Variants in IL16 observed in about 807,000 individuals in gnomAD.
IL16 encodes the protein interleukin 16, also known as pro-interleukin-16.
Under a neutral mutation model 110.1 loss-of-function variants are expected in IL16, and 67 were observed. The ratio of observed to expected loss-of-function variants is 0.61; its 90% CI spans 0.50 to 0.75. IL16 has a LOEUF of 0.75. Ranked by LOEUF, IL16 falls within the 30% of genes least tolerant of loss-of-function variation. The probability of loss-of-function intolerance (pLI) is 0.00; values close to 1 mark genes in which losing one functional copy is unlikely to be tolerated. For missense variants in IL16, 1,545 were observed against 1,655.0 expected (o/e 0.93, Z 1.15); for synonymous variants, 689 against 662.9 (o/e 1.04, Z -0.61).
In IL16 at chr15:81,310,181, C is replaced by T. The variant is rs181312685; in HGVS notation, c.*1383C>T. 1.3e-5 allele frequency: 2 copies of T among 152,360 alleles called. No homozygotes were observed. The highest frequency in any genetic ancestry group is 4.8e-5 in the African/African-American group (2 of 41,568). 9.4% of individuals were successfully genotyped at this position (152,360 alleles called of 1,614,324 possible). A position where few individuals can be genotyped will look rare whatever the true frequency, so the allele number is the denominator to read the frequency against. On this transcript the variant is annotated 3_prime_UTR_variant, in exon 19 of 19. Coordinates refer to ENST00000683961, the MANE Select transcript of IL16 (RefSeq NM_172217.5). Reference sequence around the variant, plus strand: ...TGTGAAGTAAGGATGTGGGGGAAGACCTGGCAAGGACACAGATGAAACACA... The same window carrying T: ...TGTGAAGTAAGGATGTGGGGGAAGATCTGGCAAGGACACAGATGAAACACA...
At position 81,313,262 on chromosome 15, in the gene IL16, A is replaced by G; in HGVS notation, c.*4464A>G. The G allele has an allele frequency of 1.3e-6, 2 of 1,568,104 alleles. No individual in the cohort carries two copies. Among genetic ancestry groups the G allele is most frequent in the Non-Finnish European group, 1.7e-6 (2 of 1,156,730 alleles). On this transcript the variant is annotated 3_prime_UTR_variant, in exon 19 of 19. Coordinates refer to ENST00000683961, the MANE Select transcript of IL16 (RefSeq NM_172217.5). ...CCAAGAAGTAACGATAGCATTACTC[A>G]TGGAATTGCTTCACTGCTTTCTGAA...
rs547603129 is a variant in IL16 at position 81,310,268 on chromosome 15, C to G, written c.*1470C>G. Reference sequence around the variant, plus strand: ...ATGTTAATGTAATCTGATGGCTTCTCCAGGGTCCACAGGAAGTGAAGAATC... The same window carrying G: ...ATGTTAATGTAATCTGATGGCTTCTGCAGGGTCCACAGGAAGTGAAGAATC... On this transcript the variant is annotated 3_prime_UTR_variant, in exon 19 of 19. Coordinates refer to ENST00000683961, the MANE Select transcript of IL16 (RefSeq NM_172217.5). 1 of 152,234 alleles carries G rather than the reference C, an allele frequency of 6.6e-6. No homozygotes were observed. 9.4% of individuals were successfully genotyped at this position (152,234 alleles called of 1,614,324 possible). A position where few individuals can be genotyped will look rare whatever the true frequency, so the allele number is the denominator to read the frequency against.
chr15:81,204,782 A>T (rs1407002640), intron 1 of IL16, among the ~76,000 whole-genome samples: 4 of 151,896 alleles, frequency 2.6e-5, no homozygotes, highest in African/African-American at 9.7e-5. Flanking sequence ...AAAATTTGGA[A>T]GGCATTGGAA....
intron 5 of IL16, among the ~76,000 whole-genome samples, chr15:81,271,882 C>A (rs1343781892): frequency 6.6e-6 from 1 of 152,196 alleles, no homozygotes; most frequent in Non-Finnish European, 1.5e-5. Flanking sequence ...TGGAGGACAG[C>A]GTGTTGTCTC....
intron 3 of IL16, among the ~76,000 whole-genome samples, chr15:81,264,826 ATAT>A (rs1180554969): frequency 2.6e-5 from 4 of 152,266 alleles, no homozygotes; most frequent in African/African-American, 7.2e-5. Context: ...ATAATTTTAC[ATAT>A]TATTTATATG....
chr15:81,293,519 G>A (rs59954825), intron 12 of IL16, among the ~76,000 whole-genome samples: 2,554 of 152,226 alleles, frequency 0.017, 68 homozygotes, highest in African/African-American at 0.057. Flanking sequence ...TGGCCAAGAT[G>A]GTGAAACCCT....
chr15:81,199,874 C>T (rs929132901), intron 1 of IL16, among the ~76,000 whole-genome samples: 1 of 152,164 alleles, frequency 6.6e-6, no homozygotes, highest in Non-Finnish European at 1.5e-5. Flanking sequence ...TAAGCACAGA[C>T]CTCTTGAGTA....
intron 6 of IL16, among the ~76,000 whole-genome samples, chr15:81,278,173 C>A (rs1040313644): frequency 6.6e-6 from 1 of 152,120 alleles, no homozygotes; most frequent in Non-Finnish European, 1.5e-5. Context: ...ATCCACTGAG[C>A]AATCTGTAGA....
Position 81,191,354 on chromosome 15 carries a change from G to A in IL16, c.40+8458G>A, listed in dbSNP as rs186320784. Among the ~76,000 whole-genome samples, 15 of 152,296 alleles carry A rather than the reference G, an allele frequency of 9.8e-5. No homozygotes were observed. The East Asian group carries it at 2.5e-3, about 25-fold the overall frequency. On this transcript the variant is annotated intron_variant, in intron 1 of 18. Coordinates refer to the IL16 transcript ENST00000302987. ...ACCTGGGCCTAATCACATAAATTACGCTAAGGAAATGTCTGGAAGAGCTCT... is the reference window on the plus strand; with the variant it reads ...ACCTGGGCCTAATCACATAAATTACACTAAGGAAATGTCTGGAAGAGCTCT...
At chr15:81,240,507 C>T (rs1236223066) in intron 2 of IL16, among the ~76,000 whole-genome samples, 1 of 152,108 alleles carries the variant, frequency 6.6e-6, no homozygotes, top group African/African-American at 2.4e-5. Flanking sequence ...TTTGCATCCT[C>T]ATCAATCCTT....
In IL16 at chr15:81,274,822, A is replaced by C. The variant is rs569275049; in HGVS notation, c.790+1618A>C. On this transcript the variant is annotated intron_variant, in intron 6 of 18. Coordinates refer to ENST00000683961, the MANE Select transcript of IL16 (RefSeq NM_172217.5). The stretch of plus-strand genomic sequence containing the variant: ...AAGTTTATCAACCCGAGCACTATGC[A>C]GAATTACACATACAGATTTTAGGGT... 3.9e-5 allele frequency among the ~76,000 whole-genome samples: 6 copies of C among 152,358 alleles called. No individual in the cohort carries two copies. In the South Asian group the frequency reaches 8.3e-4, roughly 21 times the overall value.
At chr15:81,284,609 G>C (rs956693394) in intron 9 of IL16, among the ~76,000 whole-genome samples, 1 of 152,174 alleles carries the variant, frequency 6.6e-6, no homozygotes, top group African/African-American at 2.4e-5. Flanking sequence ...GGAAGCAAGG[G>C]TGAAGGAGGA....
intron 12 of IL16, among the ~76,000 whole-genome samples, chr15:81,294,880 C>T (rs991141333): frequency 6.6e-6 from 1 of 152,158 alleles, no homozygotes; most frequent in Non-Finnish European, 1.5e-5. Flanking sequence ...TGGATGTTTT[C>T]TTCCGTGGCC....
chr15:81,207,891 G>T, intron 1 of IL16, among the ~76,000 whole-genome samples: 1 of 150,190 alleles, frequency 6.7e-6, no homozygotes, highest in Admixed American at 6.7e-5. Context: ...GGGTATATAT[G>T]CAGTAATGGG....
intron 2 of IL16, among the ~76,000 whole-genome samples, chr15:81,248,719 C>G (rs1459604075): frequency 8.9e-6 from 1 of 112,244 alleles, no homozygotes; most frequent in East Asian, 2.7e-4. Flanking sequence ...TTCTTTCTTT[C>G]TTTTTTTTTT....
intron 2 of IL16, among the ~76,000 whole-genome samples, chr15:81,249,332 C>T (rs59254248): frequency 0.24 from 36,044 of 151,952 alleles, 4,947 homozygotes; most frequent in African/African-American, 0.37. Context: ...TCTTGGGTCA[C>T]TTCTCTTCTT....
intron 12 of IL16, among the ~76,000 whole-genome samples, chr15:81,293,347 G>C (rs1219444161): frequency 6.6e-6 from 1 of 152,172 alleles, no homozygotes; most frequent in African/African-American, 2.4e-5. Flanking sequence ...GCCCCTGCAG[G>C]GTCTCAGTCT....
intron 1 of IL16, among the ~76,000 whole-genome samples, chr15:81,197,400 C>A (rs904542525): frequency 3.9e-5 from 6 of 152,258 alleles, no homozygotes; most frequent in Admixed American, 1.3e-4. Context: ...AGAGGGATAT[C>A]GCTTGACCTG....
chr15:81,259,751 A>G (rs781090604), intron 2 of IL16, 21 bp from the exon 3 acceptor site: 88 of 1,561,504 alleles, frequency 5.6e-5, no homozygotes, highest in Non-Finnish European at 7.7e-5. Context: ...GCTGAATAAA[A>G]AGACGGCAAT....
Sources: allele counts gnomAD v4.1 joint callset (sites outside exome capture counted in the v4.1 genomes callset), GRCh38; gene constraint gnomAD v4.1.1; transcripts MANE v1.5; gene names NCBI Gene and HGNC (gene_info 2026-07-23, HGNC 2026-07-21).